PTPRG: variants seen among roughly 807,000 people sequenced by gnomAD.
The protein encoded by PTPRG is protein tyrosine phosphatase receptor type G.
A neutral mutation model predicts 165.3 loss-of-function variants in PTPRG; 102 were observed. That is an observed-to-expected ratio of 0.62 (90% CI 0.53 to 0.73). The LOEUF (loss-of-function observed/expected upper bound fraction) is 0.73, where lower values mean the gene tolerates loss of function less well. Among genes scored for constraint, PTPRG ranks in the 30% least tolerant of loss-of-function variants. PTPRG has a pLI of 0.00. For synonymous variants in PTPRG, 675 were observed against 669.5 expected (o/e 1.01, Z -0.13); for missense variants, 1,866 against 1,861.4 (o/e 1.00, Z -0.05).
At chr3:61,636,578 T>C (rs1701915072) in intron 1 of PTPRG, among the ~76,000 whole-genome samples, 1 of 152,238 alleles carries the variant, frequency 6.6e-6, no homozygotes, top group Middle Eastern at 3.2e-3. Flanking sequence ...TGCCTTGGCT[T>C]CCCAAAGTGC....
intron 26 of PTPRG, among the ~76,000 whole-genome samples, chr3:62,278,963 G>T (rs1008985247): frequency 6.6e-6 from 1 of 151,990 alleles, no homozygotes; most frequent in Admixed American, 6.6e-5. Context: ...GCTGGAGGGA[G>T]ACTGGACCAA....
At chr3:61,733,600 T>G (rs1371968717) in intron 1 of PTPRG, among the ~76,000 whole-genome samples, 1 of 152,192 alleles carries the variant, frequency 6.6e-6, no homozygotes, top group Admixed American at 6.5e-5. Context: ...CTTTGTGAAT[T>G]TTAGCAACTA....
intron 1 of PTPRG, among the ~76,000 whole-genome samples, chr3:61,665,489 C>T (rs1702786167): frequency 1.3e-5 from 2 of 151,684 alleles, no homozygotes. Context: ...CACACACACA[C>T]ACACACACAC....
chr3:61,988,518 C>A (rs1230723111), intron 2 of PTPRG, among the ~76,000 whole-genome samples: 1 of 152,132 alleles, frequency 6.6e-6, no homozygotes, highest in African/African-American at 2.4e-5. Context: ...AACAAGATTT[C>A]TTTGTGTCTT....
chr3:62,126,336 A>G (rs75578898), intron 5 of PTPRG, among the ~76,000 whole-genome samples: 35 of 152,340 alleles, frequency 2.3e-4, no homozygotes, highest in Non-Finnish European at 4.7e-4. Context: ...ATGAATCTCA[A>G]TTCTCTGGAG....
chr3:62,053,392 G>A lies in PTPRG; in HGVS notation c.520-24771G>A, dbSNP rs778450669. Among the ~76,000 whole-genome samples, 9 of 150,016 alleles carry A rather than the reference G, an allele frequency of 6.0e-5. No homozygotes were observed. In the East Asian group the frequency reaches 6.1e-4, roughly 10 times the overall value. On this transcript the variant is annotated intron_variant, in intron 4 of 29. Transcript: ENST00000474889. ...AGTGATTCTCCTGCCTCAGCCTCCC[G>A]AGTAGCTGGGATTACAGGCGTCCGC...
At chr3:62,069,138 A>C (rs551649460) in intron 4 of PTPRG, among the ~76,000 whole-genome samples, 1 of 152,330 alleles carries the variant, frequency 6.6e-6, no homozygotes, top group South Asian at 2.1e-4. Context: ...GGTCATGAAG[A>C]AAGTCATCAG....
At chr3:61,692,362 G>A (rs2030272601) in intron 1 of PTPRG, among the ~76,000 whole-genome samples, 1 of 152,174 alleles carries the variant, frequency 6.6e-6, no homozygotes, top group African/African-American at 2.4e-5. Flanking sequence ...ACTCCATAGA[G>A]TTGATGTATT....
At chr3:61,805,468 G>A (rs1253973335) in intron 2 of PTPRG, among the ~76,000 whole-genome samples, 1 of 138,244 alleles carries the variant, frequency 7.2e-6, no homozygotes, top group Non-Finnish European at 1.5e-5. Flanking sequence ...CATGCAGTAT[G>A]TTCATAATAA....
At chr3:62,111,710 A>G (rs1702672224) in intron 5 of PTPRG, among the ~76,000 whole-genome samples, 1 of 152,102 alleles carries the variant, frequency 6.6e-6, no homozygotes, top group Middle Eastern at 3.2e-3. Context: ...CGGCCTCCCA[A>G]AGTGCTGGGA....
intron 1 of PTPRG, among the ~76,000 whole-genome samples, chr3:61,727,958 G>C (rs868417961): frequency 6.6e-6 from 1 of 152,186 alleles, no homozygotes; most frequent in East Asian, 1.9e-4. Context: ...GTGAGGCAAA[G>C]CACTTTACCA....
At chr3:62,183,708 A>T (rs1425273187) in intron 8 of PTPRG, among the ~76,000 whole-genome samples, 3 of 152,054 alleles carry the variant, frequency 2.0e-5, no homozygotes, top group Non-Finnish European at 4.4e-5. Flanking sequence ...GGAAGAGGCG[A>T]TTGCTGCGTC....
chr3:61,848,649 C>G (rs2036873146), intron 2 of PTPRG, among the ~76,000 whole-genome samples: 1 of 152,052 alleles, frequency 6.6e-6, no homozygotes, highest in African/African-American at 2.4e-5. Context: ...CAGGTTGTTC[C>G]TATAATGAAC....
At chr3:62,202,626 C>T (rs1426669328) in intron 11 of PTPRG, among the ~76,000 whole-genome samples, 1 of 152,218 alleles carries the variant, frequency 6.6e-6, no homozygotes, top group Non-Finnish European at 1.5e-5. Context: ...ATGGCTCCTG[C>T]CTCTGACCCT....
intron 1 of PTPRG, among the ~76,000 whole-genome samples, chr3:61,677,244 CAAAAAAAAAA>C (rs11426161): frequency 2.8e-5 from 2 of 71,562 alleles, no homozygotes; most frequent in Non-Finnish European, 6.1e-5. Flanking sequence ...GACTCCGTCT[CAAAAAAAAAA>C]AAAAAAAAAA....
intron 2 of PTPRG, among the ~76,000 whole-genome samples, chr3:61,926,198 G>A (rs980796646): frequency 6.6e-5 from 10 of 152,134 alleles, no homozygotes; most frequent in African/African-American, 2.4e-4. Flanking sequence ...AGCTGATATG[G>A]TTCGGATCTG....
intron 2 of PTPRG, among the ~76,000 whole-genome samples, chr3:61,869,604 A>T (rs1006904766): frequency 1.5e-4 from 23 of 149,828 alleles, no homozygotes; most frequent in Non-Finnish European, 2.8e-4. Context: ...TGTCTGACAG[A>T]GTCTTACTCT....
In PTPRG at chr3:62,190,263, C is replaced by T. The variant is rs139309346; in HGVS notation, c.1034-1206C>T. ...ATCTAGCAGATGGAGGCCAGGGATGCTGCTATACAGTACACAGGACAGTCC... is the reference window on the plus strand; with the variant it reads ...ATCTAGCAGATGGAGGCCAGGGATGTTGCTATACAGTACACAGGACAGTCC... On this transcript the variant is annotated intron_variant, in intron 8 of 29. Coordinates refer to ENST00000474889, the MANE Select transcript of PTPRG (RefSeq NM_002841.4). This position sits in a 1 kb window ranked among gnomAD's most constrained non-coding sequence, Gnocchi z 5.2. 1.6e-3 allele frequency among the ~76,000 whole-genome samples: 245 copies of T among 152,296 alleles called. No homozygotes were observed. Among genetic ancestry groups the T allele is most frequent in the African/African-American group, 5.6e-3 (231 of 41,570 alleles).
chr3:62,110,331 C>T (rs1311454190), intron 5 of PTPRG, among the ~76,000 whole-genome samples: 2 of 152,088 alleles, frequency 1.3e-5, no homozygotes, highest in African/African-American at 4.8e-5. Flanking sequence ...TGACCAACAG[C>T]TATTTTGTTC....
Sources: allele counts gnomAD v4.1 joint callset (sites outside exome capture counted in the v4.1 genomes callset), GRCh38; gene constraint gnomAD v4.1.1; non-coding constraint Gnocchi (gnomAD v3.1); transcripts MANE v1.5; gene names NCBI Gene and HGNC (gene_info 2026-07-23, HGNC 2026-07-21).